Variants in GLS observed in about 807,000 individuals in gnomAD.
The protein encoded by GLS is glutaminase kidney isoform, mitochondrial.
Under a neutral mutation model 86.7 loss-of-function variants are expected in GLS, and 36 were observed. The ratio of observed to expected loss-of-function variants is 0.42; its 90% confidence interval spans 0.32 to 0.55. The LOEUF (loss-of-function observed/expected upper bound fraction) is 0.55, where lower values mean the gene tolerates loss of function less well. Among genes scored for constraint, GLS ranks in the 20% least tolerant of loss-of-function variants. GLS has a pLI of 0.17. For synonymous variants in GLS, 317 were observed against 305.9 expected, an observed-to-expected ratio of 1.04 and a Z score of -0.38; for missense variants, 528 against 833.4, an observed-to-expected ratio of 0.63 and a Z score of 4.51.
At position 190,955,312 on chromosome 2, in the gene GLS, T is replaced by A. The variant is rs1216986175; in HGVS notation, c.1853+494T>A. On this transcript the variant is annotated intron_variant, in intron 17 of 17. Transcript: ENST00000320717. The surrounding 1 kb of genome is among the most constrained non-coding windows in gnomAD (Gnocchi z 5.6). ...CCCCCAAACAGGCCCTGGTGTGTGA[T>A]GTTCCCCTCCCTGTGTCCATGTGTT... Among the ~76,000 whole-genome samples the A allele has an allele frequency of 6.6e-6, 1 of 152,172 alleles. No individual in the cohort carries two copies. The highest frequency in any genetic ancestry group is 1.9e-4 in the East Asian group (1 of 5,188).
chr2:190,907,979 T>C (rs1689218358), intron 6 of GLS, among the ~76,000 whole-genome samples: 1 of 152,188 alleles, frequency 6.6e-6, no homozygotes, highest in Non-Finnish European at 1.5e-5. Flanking sequence ...GGAGTTGAGT[T>C]AATTTACATG....
Position 190,954,514 on chromosome 2 carries a change from G to A in GLS, c.1713-70G>A, listed in dbSNP as rs945324040. 17 of 968,234 alleles carry A rather than the reference G, an allele frequency of 1.8e-5. No homozygotes were observed. Among genetic ancestry groups the A allele is most frequent in the Non-Finnish European group, 2.6e-5 (16 of 627,444 alleles). The allele number at this position is 968,234 out of a possible 1,614,324, so 60.0% of individuals were successfully genotyped here. A position where few individuals can be genotyped will look rare whatever the true frequency, so the allele number is the denominator to read the frequency against. On this transcript the variant is annotated intron_variant, in intron 15 of 17. Transcript: ENST00000320717. The surrounding 1 kb of genome is among the most constrained non-coding windows in gnomAD (Gnocchi z 4.0). The stretch of plus-strand genomic sequence containing the variant: ...TGACAGGGCCTTAAATGAACTGATG[G>A]AGTGAATGTTACCAGTGTGAATTAA...
At chr2:190,904,859 A>G (rs1689078456) in intron 5 of GLS, 145 bp from the exon 6 acceptor site, 1 of 619,986 alleles carries the variant, frequency 1.6e-6, no homozygotes, top group Non-Finnish European at 2.8e-6. Context: ...ACTTAAATTT[A>G]TTCTGTAATT....
rs1691039350 is a variant in GLS, at chr2:190,962,977, A to T, written c.2001A>T (p.Gly667=). ...AAACCGTCCATAAGAATCTTGATGG[A>T]TTGTTGTAATGGTCTCAAATCCCAA... The part of the protein sequence containing the change: ...ENQTVHKNLD[G]LL Residue 667 remains glycine (G), a synonymous_variant, in exon 18 of 18, where the codon GGA becomes GGT. Transcript: ENST00000320717. This position sits in a 1 kb window ranked among gnomAD's most constrained non-coding sequence, Gnocchi z 4.2. 6.3e-7 allele frequency: 1 copy of T among 1,598,382 alleles called. No homozygotes were observed. The highest frequency in any genetic ancestry group is 1.3e-5 in the African/African-American group (1 of 74,182).
At chr2:190,884,049 T>G (rs1447542739) in intron 1 of GLS, among the ~76,000 whole-genome samples, 1 of 152,224 alleles carries the variant, frequency 6.6e-6, no homozygotes, top group Non-Finnish European at 1.5e-5. Flanking sequence ...AGTTTTGTCT[T>G]TAGTGATCTT....
rs1018168711 is a variant in GLS at position 190,953,713 on chromosome 2, C to G, written c.1712+87C>G. 9 of 909,006 alleles carry G rather than the reference C, an allele frequency of 9.9e-6. No individual in the cohort carries two copies. Among genetic ancestry groups the G allele is most frequent in the African/African-American group, 1.7e-5 (1 of 60,492 alleles). The allele number at this position is 909,006 out of a possible 1,614,324, so 56.3% of individuals were successfully genotyped here. A position where few individuals can be genotyped will look rare whatever the true frequency, so the allele number is the denominator to read the frequency against. Reference sequence around the variant, plus strand: ...AGCAGCCATTTTAAGGTTAAAGTCTCACTTTTCTTTCCCTTTGATAAAAAT... The same window carrying G: ...AGCAGCCATTTTAAGGTTAAAGTCTGACTTTTCTTTCCCTTTGATAAAAAT... On this transcript the variant is annotated intron_variant, in intron 15 of 17. Transcript: ENST00000320717. The surrounding 1 kb of genome is among the most constrained non-coding windows in gnomAD (Gnocchi z 4.0).
chr2:190,927,619 T>C (rs1303044331), intron 12 of GLS, 137 bp downstream of exon 12: 6 of 618,210 alleles, frequency 9.7e-6, no homozygotes, highest in Non-Finnish European at 1.4e-5. Flanking sequence ...GGTTAATTTG[T>C]TACAAGATTA....
chr2:190,885,144 T>C (rs879593152), intron 1 of GLS, among the ~76,000 whole-genome samples: 4 of 152,210 alleles, frequency 2.6e-5, no homozygotes, highest in Non-Finnish European at 4.4e-5. Context: ...TTTTGATAGT[T>C]ATGGACAATG....
chr2:190,933,740 GT>G, intron 14 of GLS: 1 of 807,378 alleles, frequency 1.2e-6, no homozygotes, highest in Non-Finnish European at 1.5e-6. Flanking sequence ...GCAAATTTTG[GT>G]TTTTAGCTTT....
At chr2:190,928,901 T>TG (rs1255450644) in intron 12 of GLS, among the ~76,000 whole-genome samples, 11 of 131,850 alleles carry the variant, frequency 8.3e-5, no homozygotes, top group African/African-American at 2.7e-4. Flanking sequence ...TGTTTTTTTT[T>TG]TTTTTTTTTT....
At chr2:190,910,418 A>G (rs989106966) in intron 7 of GLS, 97 bp downstream of exon 7, 3 of 629,376 alleles carry the variant, frequency 4.8e-6, no homozygotes, top group Non-Finnish European at 5.6e-6. Flanking sequence ...TAGAATTATG[A>G]AAAATTTTCT....
At chr2:190,903,220 T>A (rs930654061) in intron 5 of GLS, among the ~76,000 whole-genome samples, 5 of 152,230 alleles carry the variant, frequency 3.3e-5, no homozygotes, top group Admixed American at 6.5e-5. Context: ...AATTTTTTTT[T>A]ACTAATTATC....
Position 190,955,043 on chromosome 2 carries a change from C to G in GLS, c.1853+225C>G, listed in dbSNP as rs1690824683. On this transcript the variant is annotated intron_variant, in intron 17 of 17. Transcript: ENST00000320717. The surrounding 1 kb of genome is among the most constrained non-coding windows in gnomAD (Gnocchi z 5.6). Reference sequence around the variant, plus strand: ...TTAGAAATTTTCAGGTTGATTTGACCATTAGTCAATACACTGTATGAACAA... The same window carrying G: ...TTAGAAATTTTCAGGTTGATTTGACGATTAGTCAATACACTGTATGAACAA... 6.6e-6 allele frequency among the ~76,000 whole-genome samples: 1 copy of G among 151,616 alleles called. No homozygotes were observed. Among genetic ancestry groups the G allele is most frequent in the African/African-American group, 2.4e-5 (1 of 41,212 alleles).
intron 14 of GLS, among the ~76,000 whole-genome samples, chr2:190,952,085 G>A (rs1455071561): frequency 6.6e-6 from 1 of 152,288 alleles, no homozygotes; most frequent in South Asian, 2.1e-4. Context: ...TCCCTAAAAT[G>A]TATCGGATTG....
At chr2:190,923,076 A>G (rs1558982638) in intron 9 of GLS, among the ~76,000 whole-genome samples, 1 of 152,116 alleles carries the variant, frequency 6.6e-6, no homozygotes, top group Non-Finnish European at 1.5e-5. Flanking sequence ...TTCCATTCCT[A>G]TCACAGCTGC....
At chr2:190,902,703 T>A (rs1390586456) in intron 5 of GLS, among the ~76,000 whole-genome samples, 1 of 152,224 alleles carries the variant, frequency 6.6e-6, no homozygotes, top group Non-Finnish European at 1.5e-5. Context: ...ATGACCGTGT[T>A]CATTGTGCTG....
chr2:190,940,740 C>A (rs1176759792), intron 14 of GLS, among the ~76,000 whole-genome samples: 2 of 140,842 alleles, frequency 1.4e-5, no homozygotes, highest in East Asian at 4.1e-4. Context: ...AGTTAGCAAA[C>A]TTTTTTTTTT....
chr2:190,933,486 T>G, intron 14 of GLS: 1 of 890,620 alleles, frequency 1.1e-6, no homozygotes, highest in Non-Finnish European at 1.3e-6. Flanking sequence ...GACTCCTACT[T>G]TTTTTATTTT....
At chr2:190,910,603 G>A (rs1250629570) in intron 7 of GLS, among the ~76,000 whole-genome samples, 1 of 147,738 alleles carries the variant, frequency 6.8e-6, no homozygotes, top group Non-Finnish European at 1.5e-5. Flanking sequence ...GAAAGGCATA[G>A]AGGCTTTTTT....
Sources: gnomAD v4.1 joint callset for allele counts (sites outside exome capture counted in the v4.1 genomes callset) on GRCh38, gnomAD v4.1.1 for gene constraint, Gnocchi (gnomAD v3.1) non-coding constraint, MANE v1.5 for transcripts, NCBI Gene and HGNC (gene_info 2026-07-23, HGNC 2026-07-21) for gene names.